The following TTL variants were observed in gnomAD, a reference collection of about 807,000 sequenced individuals.
The protein encoded by TTL is tubulin tyrosine ligase, also known as tubulin--tyrosine ligase.
Under a neutral mutation model 41.1 loss-of-function variants are expected in TTL, and 10 were observed. The observed-to-expected ratio is 0.24, with a 90% confidence interval of 0.15 to 0.41. TTL has a LOEUF of 0.41. Ranked by LOEUF, TTL falls within the 10% of genes least tolerant of loss-of-function variation. The probability of loss-of-function intolerance (pLI) is 1.00; values close to 1 mark genes in which losing one functional copy is unlikely to be tolerated. For synonymous variants in TTL, 175 were observed against 175.5 expected (o/e 1.00, Z 0.02); for missense variants, 367 against 460.4 (o/e 0.80, Z 1.86).
rs529741798 is a variant in TTL at position 112,532,833 on chromosome 2, C to A, written c.*4038C>A. The A allele has an allele frequency of 1.0e-4, 16 of 152,972 alleles. No homozygotes were observed. In the East Asian group the frequency reaches 2.8e-3, roughly 27 times the overall value. The allele number at this position is 152,972 out of a possible 1,614,324, so 9.5% of individuals were successfully genotyped here. A position where few individuals can be genotyped will look rare whatever the true frequency, so the allele number is the denominator to read the frequency against. ...AATTTGCTGACCCCAGGATGTTACC[C>A]AATACATAAGCCAACAGATTGTCCT... On this transcript the variant is annotated 3_prime_UTR_variant, in exon 7 of 7. Transcript: ENST00000233336.
chr2:112,494,035 G>A (rs936945864), intron 2 of TTL, 108 bp from the exon 3 acceptor site: 1 of 772,902 alleles, frequency 1.3e-6, no homozygotes, highest in African/African-American at 1.8e-5. Flanking sequence ...AGAAGACTGA[G>A]TCATGCTTTG....
chr2:112,520,205 T>A, intron 5 of TTL, 77 bp from the exon 6 acceptor site: 7 of 1,482,878 alleles, frequency 4.7e-6, no homozygotes, highest in Non-Finnish European at 6.5e-6. Context: ...TCATATAAAA[T>A]CTTTCAAGCA....
chr2:112,528,648 A>G lies in TTL; in HGVS notation c.1020-33A>G, dbSNP rs369676615. 35 of 1,554,068 alleles carry G rather than the reference A, an allele frequency of 2.3e-5. No homozygotes were observed. In the African/African-American group the frequency reaches 4.1e-4, roughly 18 times the overall value. ...TTTTTTTGCTTGTACTTTGATGAACATCCTCAATGATATTTTTAAAAACAC... is the reference window on the plus strand; with the variant it reads ...TTTTTTTGCTTGTACTTTGATGAACGTCCTCAATGATATTTTTAAAAACAC... On this transcript the variant is annotated intron_variant, in intron 6 of 6. Coordinates refer to ENST00000233336, the MANE Select transcript of TTL (RefSeq NM_153712.5).
Position 112,494,390 on chromosome 2 carries a change from C to T in TTL, c.469+15C>T, listed in dbSNP as rs775667920. On this transcript the variant is annotated intron_variant, in intron 3 of 6. Transcript: ENST00000233336. ...CGGTGCCAAAGGTGAGTTGGCACTG[C>T]TGTCCCCTTCTCTATTCCTGGTAAG... 77 of 1,582,464 alleles carry T rather than the reference C, an allele frequency of 4.9e-5. No individual in the cohort carries two copies. The Admixed American group carries it at 1.2e-3, about 25-fold the overall frequency.
In TTL at chr2:112,529,519, G is replaced by A. The variant is rs1286900760; in HGVS notation, c.*724G>A. 1 of 228,836 alleles carries A rather than the reference G, an allele frequency of 4.4e-6. No individual in the cohort carries two copies. The highest frequency in any genetic ancestry group is 8.7e-6 in the Non-Finnish European group (1 of 115,148). 14.2% of individuals were successfully genotyped at this position (228,836 alleles called of 1,614,324 possible). On this transcript the variant is annotated 3_prime_UTR_variant, in exon 7 of 7. Coordinates refer to ENST00000233336, the MANE Select transcript of TTL (RefSeq NM_153712.5). Reference sequence around the variant, plus strand: ...CATGATATATTGCTTTACTTAATAGGTTGAATATGGTAGGTCTTTGAAAAT... The same window carrying A: ...CATGATATATTGCTTTACTTAATAGATTGAATATGGTAGGTCTTTGAAAAT...
chr2:112,501,251 T>A lies in TTL; in HGVS notation c.515T>A (p.Phe172Tyr). The part of the protein sequence containing the change: ...ISSEASELLD[F>Y]IDNQGQVHVI... ...TCAGAGGCTTCAGAGCTTCTCGATT[T>A]CATAGACAACCAGGGCCAAGTGCAC... is the stretch of plus-strand genomic sequence containing the variant. Residue 172 changes from phenylalanine to tyrosine, a missense_variant, in exon 4 of 7, where the codon TTC (phenylalanine) becomes TAC (tyrosine). Physicochemically the swap from Phe to Tyr is conservative, Grantham distance 22. Coordinates refer to ENST00000233336, the MANE Select transcript of TTL (RefSeq NM_153712.5). The A allele has an allele frequency of 3.7e-6, 6 of 1,613,874 alleles. No individual in the cohort carries two copies. Among genetic ancestry groups the A allele is most frequent in the Non-Finnish European group, 5.1e-6 (6 of 1,179,836 alleles).
Position 112,520,394 on chromosome 2 carries a change from A to G in TTL, c.988A>G (p.Ile330Val). Residue 330 changes from isoleucine to valine, a missense_variant, in exon 6 of 7, where the codon ATT (isoleucine) becomes GTT (valine). Coordinates refer to ENST00000233336, the MANE Select transcript of TTL (RefSeq NM_153712.5). ...CGATGAGGAGCTGAAGGTGTGGCTCATTGAGGTCAACGGTGCCCCTGCATG... is the reference window on the plus strand; with the variant it reads ...CGATGAGGAGCTGAAGGTGTGGCTCGTTGAGGTCAACGGTGCCCCTGCATG... Reference protein sequence around the residue: ...MVDEELKVWLIEVNGAPACAQ... With the variant: ...MVDEELKVWLVEVNGAPACAQ... The G allele has an allele frequency of 6.2e-7, 1 of 1,614,092 alleles. No homozygotes were observed.
chr2:112,491,007 T>C (rs947993999), intron 2 of TTL, among the ~76,000 whole-genome samples: 1 of 152,072 alleles, frequency 6.6e-6, no homozygotes, highest in Non-Finnish European at 1.5e-5. Flanking sequence ...TGCGTGTGTG[T>C]GTGTGTTGGA....
At chr2:112,493,164 AC>A (rs1209858934) in intron 2 of TTL, among the ~76,000 whole-genome samples, 1 of 152,152 alleles carries the variant, frequency 6.6e-6, no homozygotes, top group Non-Finnish European at 1.5e-5. Flanking sequence ...CCATTTGTTC[AC>A]AGACTGGGTT....
chr2:112,522,044 C>T (rs567078986), intron 6 of TTL: 1 of 152,550 alleles, frequency 6.6e-6, no homozygotes, highest in Admixed American at 6.5e-5. Flanking sequence ...TTCCCTCCTC[C>T]CGCTCCTGTC....
intron 1 of TTL, among the ~76,000 whole-genome samples, chr2:112,485,605 A>C (rs554471412): frequency 5.3e-5 from 8 of 152,356 alleles, no homozygotes; most frequent in Non-Finnish European, 1.0e-4. Context: ...TGCAGTGTGC[A>C]GTCAGGGAGA....
At position 112,523,481 on chromosome 2, in the gene TTL, G is replaced by A. The variant is rs1232524527; in HGVS notation, c.1019+3056G>A. Among the ~76,000 whole-genome samples, 3 of 151,106 alleles carry A rather than the reference G, an allele frequency of 2.0e-5. No homozygotes were observed. The Admixed American group carries it at 2.0e-4, about 10-fold the overall frequency. On this transcript the variant is annotated intron_variant, in intron 6 of 6. Coordinates refer to ENST00000233336, the MANE Select transcript of TTL (RefSeq NM_153712.5). ...TGGAAAGTCTTCCCCTGTCACTGGG[G>A]AGTCTTCCTCTGTCACTGGGGAGTC... is the stretch of plus-strand genomic sequence containing the variant.
intron 6 of TTL, among the ~76,000 whole-genome samples, chr2:112,526,062 G>T (rs1276050688): frequency 6.6e-6 from 1 of 152,146 alleles, no homozygotes; most frequent in Non-Finnish European, 1.5e-5. Context: ...TTTTGTCTTT[G>T]GTTCTGTTTA....
rs149455172 is a variant in TTL at position 112,485,690 on chromosome 2, C to CA, written c.158-224dup. Among the ~76,000 whole-genome samples, 786 of 152,274 alleles carry CA rather than the reference C, an allele frequency of 5.2e-3. 10 individuals carry two copies. Among genetic ancestry groups the CA allele is most frequent in the African/African-American group, 0.018 (751 of 41,534 alleles). On this transcript the variant is annotated intron_variant, in intron 1 of 6. Coordinates refer to ENST00000233336, the MANE Select transcript of TTL (RefSeq NM_153712.5). The stretch of plus-strand genomic sequence containing the variant: ...CAGACAAAGGTAGCAGCAGTTTTGG[C>CA]AAACCTACGATGTTGATATAATATC...
At chr2:112,497,396 T>G (rs1285387726) in intron 3 of TTL, among the ~76,000 whole-genome samples, 1 of 151,996 alleles carries the variant, frequency 6.6e-6, no homozygotes, top group African/African-American at 2.4e-5. Context: ...TATGAAGCCT[T>G]TATGGCTCTT....
rs2104488050 is a variant in TTL at position 112,538,430 on chromosome 2, A to T, written c.*9635A>T. 1.3e-5 allele frequency: 2 copies of T among 152,358 alleles called. No homozygotes were observed. Among genetic ancestry groups the T allele is most frequent in the Middle Eastern group, 6.8e-3 (2 of 294 alleles). 9.4% of individuals were successfully genotyped at this position (152,358 alleles called of 1,614,324 possible). Reference sequence around the variant, plus strand: ...AGAAAAAGGATTATACATTATGACTAAGTGGGACTTATCCTAAGATTACAA... The same window carrying T: ...AGAAAAAGGATTATACATTATGACTTAGTGGGACTTATCCTAAGATTACAA... On this transcript the variant is annotated 3_prime_UTR_variant, in exon 7 of 7. Coordinates refer to ENST00000233336, the MANE Select transcript of TTL (RefSeq NM_153712.5).
At chr2:112,498,346 T>C (rs1303866236) in intron 3 of TTL, among the ~76,000 whole-genome samples, 1 of 152,064 alleles carries the variant, frequency 6.6e-6, no homozygotes, top group Admixed American at 6.6e-5. Context: ...AAAACTACAG[T>C]ACTACTTACA....
At position 112,529,276 on chromosome 2, in the gene TTL, C is replaced by T. The variant is rs887424990; in HGVS notation, c.*481C>T. 8.1e-6 allele frequency: 2 copies of T among 245,924 alleles called. No homozygotes were observed. The highest frequency in any genetic ancestry group is 5.2e-5 in the Admixed American group (1 of 19,328). The allele number at this position is 245,924 out of a possible 1,614,324, so 15.2% of individuals were successfully genotyped here. A position where few individuals can be genotyped will look rare whatever the true frequency, so the allele number is the denominator to read the frequency against. On this transcript the variant is annotated 3_prime_UTR_variant, in exon 7 of 7. Coordinates refer to ENST00000233336, the MANE Select transcript of TTL (RefSeq NM_153712.5). ...TAAGCTCTGTACAAGCATGCACCAA[C>T]AGTCCTTAGTTTTGTGCTGTGCACT...
At chr2:112,487,359 G>A in intron 2 of TTL, among the ~76,000 whole-genome samples, 1 of 152,176 alleles carries the variant, frequency 6.6e-6, no homozygotes, top group East Asian at 1.9e-4. Context: ...TGTATATTTA[G>A]AATGCAAATG....
Sources: gnomAD v4.1 joint callset for allele counts (sites outside exome capture counted in the v4.1 genomes callset) on GRCh38, gnomAD v4.1.1 for gene constraint, MANE v1.5 for transcripts, NCBI Gene and HGNC (gene_info 2026-07-23, HGNC 2026-07-21) for gene names.